The following FHAD1 variants were observed in gnomAD, a reference collection of about 807,000 sequenced individuals.
The protein encoded by FHAD1 is forkhead associated phosphopeptide binding domain 1.
Under a neutral mutation model 191.3 loss-of-function variants are expected in FHAD1, and 146 were observed. The ratio of observed to expected loss-of-function variants is 0.76; its 90% confidence interval spans 0.67 to 0.88. The LOEUF is 0.88. FHAD1 is among the 40% of genes least tolerant of loss of function. The pLI is 0.00. For missense variants in FHAD1, 1,635 were observed against 1,785.8 expected (o/e 0.92, Z 1.52); for synonymous variants, 616 against 672.3 (o/e 0.92, Z 1.29).
At chr1:15,338,591 G>A (rs992145394) in intron 14 of FHAD1, among the ~76,000 whole-genome samples, 4 of 152,088 alleles carry the variant, frequency 2.6e-5, no homozygotes, top group Admixed American at 6.5e-5. Flanking sequence ...CCAGGGATTC[G>A]GACCTGGAAT....
intron 31 of FHAD1, chr1:15,383,169 C>G (rs549280229): frequency 1.2e-4 from 58 of 471,558 alleles, no homozygotes; most frequent in Non-Finnish European, 2.2e-4. Flanking sequence ...ATGGGAGCTT[C>G]CAGCCCCTGC....
At chr1:15,267,927 A>G (rs1654250213) in intron 2 of FHAD1, among the ~76,000 whole-genome samples, 1 of 124,200 alleles carries the variant, frequency 8.1e-6, no homozygotes, top group South Asian at 2.4e-4. Context: ...TATGTTTTAT[A>G]GCATATAAAT....
At chr1:15,374,253 G>A (rs11589706) in intron 26 of FHAD1, among the ~76,000 whole-genome samples, 5,789 of 152,238 alleles carry the variant, frequency 0.038, 356 homozygotes, top group African/African-American at 0.13. Flanking sequence ...AAAATAAAAC[G>A]TGGAGAGGGA....
At chr1:15,242,423 G>A (rs563614211), upstream of FHAD1, among the ~76,000 whole-genome samples, 1 of 152,180 alleles carries the variant, frequency 6.6e-6, no homozygotes, top group East Asian at 1.9e-4. Flanking sequence ...ATGACATGGT[G>A]GTTGGTACCT....
intron 2 of FHAD1, among the ~76,000 whole-genome samples, chr1:15,258,424 A>T (rs1004821842): frequency 6.6e-6 from 1 of 152,152 alleles, no homozygotes; most frequent in African/African-American, 2.4e-5. Context: ...AGCATGTGTC[A>T]GAGTTCCCTT....
chr1:15,305,807 G>T (rs868412776), intron 6 of FHAD1: 30 of 442,708 alleles, frequency 6.8e-5, no homozygotes, highest in Non-Finnish European at 9.9e-5. Context: ...GGCCTCCCCG[G>T]CCATGTGGAA....
chr1:15,284,945 T>A (rs914623759), intron 3 of FHAD1, among the ~76,000 whole-genome samples: 3 of 151,452 alleles, frequency 2.0e-5, no homozygotes, highest in Non-Finnish European at 2.9e-5. Flanking sequence ...AGAAAGAGAG[T>A]GAAAGAAAGA....
At chr1:15,244,997 G>T (rs1557895887), upstream of FHAD1, among the ~76,000 whole-genome samples, 1 of 152,220 alleles carries the variant, frequency 6.6e-6, no homozygotes, top group African/African-American at 2.4e-5. This position sits in a 1 kb window ranked among gnomAD's most constrained non-coding sequence, Gnocchi z 5.1. Flanking sequence ...AGTAGCGCCT[G>T]CATGTGCAGA....
At position 15,381,861 on chromosome 1, in the gene FHAD1, G is replaced by A. The variant is rs986107904; in HGVS notation, c.4023-167G>A. On this transcript the variant is annotated intron_variant, in intron 30 of 33. Coordinates refer to ENST00000688493, the MANE Select transcript of FHAD1 (RefSeq NM_001391957.1). This position sits in a 1 kb window ranked among gnomAD's most constrained non-coding sequence, Gnocchi z 4.6. ...CACACATTCGGCTGATGAATGGCTC[G>A]TTCTGCTCTCTGTACCCCAAATCTT... Among the ~76,000 whole-genome samples the A allele has an allele frequency of 2.0e-5, 3 of 151,508 alleles. No homozygotes were observed. The highest frequency in any genetic ancestry group is 2.4e-5 in the African/African-American group (1 of 41,210).
intron 6 of FHAD1, among the ~76,000 whole-genome samples, chr1:15,305,024 G>A (rs1464472404): frequency 6.6e-6 from 1 of 152,204 alleles, no homozygotes; most frequent in Non-Finnish European, 1.5e-5. Context: ...GATTAACAGG[G>A]ATTCTTGCAC....
At chr1:15,301,495 C>T in intron 6 of FHAD1, 54 bp downstream of exon 6, 1 of 1,486,834 alleles carries the variant, frequency 6.7e-7, no homozygotes, top group Non-Finnish European at 9.1e-7. Context: ...CCCGGGAGGC[C>T]CCAGGACCAC....
intron 2 of FHAD1, among the ~76,000 whole-genome samples, chr1:15,268,905 C>G (rs1167132887): frequency 3.3e-5 from 5 of 151,466 alleles, no homozygotes; most frequent in African/African-American, 1.2e-4. Context: ...AGCCCTTTGT[C>G]AGATGAGTAG....
At chr1:15,256,823 G>A (rs1016872139) in intron 2 of FHAD1, among the ~76,000 whole-genome samples, 55 of 152,248 alleles carry the variant, frequency 3.6e-4, no homozygotes, top group African/African-American at 1.3e-3. Flanking sequence ...GAAAAGCAAA[G>A]GACAGAAACT....
At chr1:15,355,642 G>A (rs1383199574) in intron 20 of FHAD1, among the ~76,000 whole-genome samples, 3 of 152,136 alleles carry the variant, frequency 2.0e-5, no homozygotes, top group East Asian at 1.9e-4. Flanking sequence ...GGGGTGCATC[G>A]CTGAGCTGTA....
chr1:15,301,123 C>G lies in FHAD1; in HGVS notation c.679-82C>G, dbSNP rs183861988. 6.4e-4 allele frequency: 805 copies of G among 1,267,570 alleles called. 5 individuals carry two copies. In the Middle Eastern group the frequency reaches 8.9e-3, roughly 14 times the overall value. The allele number at this position is 1,267,570 out of a possible 1,614,324, so 78.5% of individuals were successfully genotyped here. ...AGGATTACAGGCGTGAGCCACCGCA[C>G]CCGGCCCCTACTTTTTTTTAATGGG... On this transcript the variant is annotated intron_variant, in intron 5 of 33. Coordinates refer to ENST00000688493, the MANE Select transcript of FHAD1 (RefSeq NM_001391957.1).
At chr1:15,362,820 G>T (rs1695239493) in intron 23 of FHAD1, 94 bp downstream of exon 23, 4 of 946,140 alleles carry the variant, frequency 4.2e-6, no homozygotes, top group Non-Finnish European at 6.6e-6. Flanking sequence ...GGGCCACATT[G>T]TCAGAAGCCA....
intron 2 of FHAD1, among the ~76,000 whole-genome samples, chr1:15,271,140 GAAAAAAAAAAA>G (rs543401814): frequency 1.2e-3 from 94 of 76,684 alleles, no homozygotes; most frequent in Non-Finnish European, 1.9e-3. Context: ...CTCCATCTCG[GAAAAAAAAAAA>G]AAAAAAAAAA....
At chr1:15,396,557 C>T (rs991012719) in intron 33 of FHAD1, among the ~76,000 whole-genome samples, 1 of 152,050 alleles carries the variant, frequency 6.6e-6, no homozygotes, top group Admixed American at 6.6e-5. Flanking sequence ...GCCTGTAATC[C>T]TAGCACCGTG....
chr1:15,293,673 G>A (rs557483570), intron 4 of FHAD1, among the ~76,000 whole-genome samples: 2,065 of 152,228 alleles, frequency 0.014, 13 homozygotes, highest in African/African-American at 0.021. Context: ...AGCTGAGATT[G>A]TGCCACTGCA....
Sources: gnomAD v4.1 joint callset for allele counts (sites outside exome capture counted in the v4.1 genomes callset) on GRCh38, gnomAD v4.1.1 for gene constraint, Gnocchi (gnomAD v3.1) non-coding constraint, MANE v1.5 for transcripts, NCBI Gene and HGNC (gene_info 2026-07-23, HGNC 2026-07-21) for gene names.